Variants in MYO1G observed in about 807,000 individuals in gnomAD.
MYO1G encodes unconventional myosin-Ig.
Under a neutral mutation model 115.3 loss-of-function variants are expected in MYO1G, and 65 were observed. That is an observed-to-expected ratio of 0.56 (90% confidence interval 0.46 to 0.69). The LOEUF (loss-of-function observed/expected upper bound fraction) is 0.69, where lower values mean the gene tolerates loss of function less well. MYO1G is among the 30% of genes least tolerant of loss of function. The probability of loss-of-function intolerance (pLI) is 0.00; values close to 1 mark genes in which losing one functional copy is unlikely to be tolerated. For missense variants in MYO1G, 1,204 were observed against 1,393.5 expected, an observed-to-expected ratio of 0.86 and a Z score of 2.16; for synonymous variants, 510 against 552.6, an observed-to-expected ratio of 0.92 and a Z score of 1.08.
At chr7:44,968,580 C>T (rs1416265862) in intron 12 of MYO1G, 2 of 151,834 alleles carry the variant, frequency 1.3e-5, no homozygotes, top group Non-Finnish European at 1.5e-5. Context: ...TCTCAGTTCG[C>T]CACAACCTCT....
rs1794915390 is a variant in MYO1G, at chr7:44,969,677, G to A, written c.1503+28C>T. ...GTGGGGCAGGTCCCACCAGCCCACT[G>A]TGGTGGCACTGGGACAGCCGGGGGC... On this transcript the variant is annotated intron_variant, in intron 11 of 21. Transcript: ENST00000258787. This position sits in a 1 kb window ranked among gnomAD's most constrained non-coding sequence, Gnocchi z 5.0. 1 of 1,608,764 alleles carries A rather than the reference G, an allele frequency of 6.2e-7. No homozygotes were observed. The highest frequency in any genetic ancestry group is 8.5e-7 in the Non-Finnish European group (1 of 1,178,886).
intron 1 of MYO1G, among the ~76,000 whole-genome samples, chr7:44,977,874 ACAT>A (rs1795087507): frequency 6.6e-6 from 1 of 152,126 alleles, no homozygotes; most frequent in African/African-American, 2.4e-5. Flanking sequence ...ACCACCTCTG[ACAT>A]GGGTTTTCCT....
Position 44,976,648 on chromosome 7 carries a change from C to T in MYO1G, c.314G>A (p.Gly105Glu), listed in dbSNP as rs748025444. 20 of 1,613,942 alleles carry T rather than the reference C, an allele frequency of 1.2e-5. No individual in the cohort carries two copies. Among genetic ancestry groups the T allele is most frequent in the Admixed American group, 1.7e-5 (1 of 60,004 alleles). ...DTCIVISGES[G>E]AGKTEASKHI... ...CTTACTGGCTTCTGTCTTCCCTGCCCCACTCTCCCCTGCCGGAAAGACCAG... is the reference window on the plus strand; with the variant it reads ...CTTACTGGCTTCTGTCTTCCCTGCCTCACTCTCCCCTGCCGGAAAGACCAG... The change falls in exon 3 of 22, where the codon GGG (glycine) becomes GAG (glutamate). Residue 105 changes from glycine to glutamate, a missense_variant. By Grantham distance (98) the Gly-to-Glu change is moderately conservative. Transcript: ENST00000258787.
chr7:44,964,826 G>A lies in MYO1G; in HGVS notation c.2526+119C>T. 2 of 1,445,036 alleles carry A rather than the reference G, an allele frequency of 1.4e-6. No homozygotes were observed. Among genetic ancestry groups the A allele is most frequent in the East Asian group, 2.3e-5 (1 of 43,456 alleles). The allele number at this position is 1,445,036 out of a possible 1,614,324, so 89.5% of individuals were successfully genotyped here. A position where few individuals can be genotyped will look rare whatever the true frequency, so the allele number is the denominator to read the frequency against. On this transcript the variant is annotated intron_variant, in intron 18 of 21. Transcript: ENST00000258787. The surrounding 1 kb of genome is among the most constrained non-coding windows in gnomAD (Gnocchi z 5.1). ...TGGGGGCTGAGGTACAGGGCCACCA[G>A]GACAGACAACCCCAGGCCTGGGAGA...
Position 44,969,575 on chromosome 7 carries a change from G to T in MYO1G, c.1504-92C>A. On this transcript the variant is annotated intron_variant, in intron 11 of 21. Coordinates refer to ENST00000258787, the MANE Select transcript of MYO1G (RefSeq NM_033054.3). The surrounding 1 kb of genome is among the most constrained non-coding windows in gnomAD (Gnocchi z 5.0). ...GCCTCCCCACCTCCAGGGCAGAGAA[G>T]GTTGCCACAGTGACGACAATGGCAC... The T allele has an allele frequency of 6.3e-7, 1 of 1,577,848 alleles. No individual in the cohort carries two copies.
At position 44,974,984 on chromosome 7, in the gene MYO1G, C is replaced by A. The variant is rs562261698; in HGVS notation, c.618+190G>T. Reference sequence around the variant, plus strand: ...GCTTTTGTTCCCTGCAAGTCACACCCTCTTGTTTGTGGGGTGTGGGGTACT... The same window carrying A: ...GCTTTTGTTCCCTGCAAGTCACACCATCTTGTTTGTGGGGTGTGGGGTACT... On this transcript the variant is annotated intron_variant, in intron 5 of 21. Coordinates refer to ENST00000258787, the MANE Select transcript of MYO1G (RefSeq NM_033054.3). 2.0e-4 allele frequency: 134 copies of A among 679,170 alleles called. 2 individuals carry two copies. The South Asian group carries it at 2.1e-3, about 10-fold the overall frequency. The allele number at this position is 679,170 out of a possible 1,614,324, so 42.1% of individuals were successfully genotyped here. A position where few individuals can be genotyped will look rare whatever the true frequency, so the allele number is the denominator to read the frequency against.
intron 7 of MYO1G, 96 bp downstream of exon 7, chr7:44,971,577 G>A (rs1794958207): frequency 2.4e-6 from 2 of 849,608 alleles, no homozygotes; most frequent in Non-Finnish European, 3.7e-6. Context: ...CATTGCTGGG[G>A]CATCTCCAGC....
Position 44,970,865 on chromosome 7 carries a change from C to T in MYO1G, c.1041G>A (p.Glu347=), listed in dbSNP as rs761705048. The T allele has an allele frequency of 6.2e-7, 1 of 1,613,632 alleles. No homozygotes were observed. Among genetic ancestry groups the T allele is most frequent in the Non-Finnish European group, 8.5e-7 (1 of 1,180,036 alleles). The change falls in exon 8 of 22, where the codon GAG becomes GAA. Residue 347 remains glutamate (E), a synonymous_variant. Transcript: ENST00000258787. ...ELIEKGHTAA[E]ASYARDACAK... is the part of the protein sequence containing the mutation. Reference sequence around the variant, plus strand: ...CACAGGCATCCCGGGCATAGCTGGCCTCAGCTGCAGTGTGGCCCTTCTCTA... The same window carrying T: ...CACAGGCATCCCGGGCATAGCTGGCTTCAGCTGCAGTGTGGCCCTTCTCTA...
Position 44,974,568 on chromosome 7 carries a change from G to A in MYO1G, c.618+606C>T, listed in dbSNP as rs150095196. The A allele has an allele frequency of 1.3e-3, 200 of 159,920 alleles. 1 individual carries two copies. Among genetic ancestry groups the A allele is most frequent in the Admixed American group, 2.1e-3 (36 of 17,158 alleles). 9.9% of individuals were successfully genotyped at this position (159,920 alleles called of 1,614,324 possible). A position where few individuals can be genotyped will look rare whatever the true frequency, so the allele number is the denominator to read the frequency against. ...AGGGTGCTCCCAGTTCAGTGGGGGAGTTCGGAGTCTGTGGAAACACTGTCT... is the reference window on the plus strand; with the variant it reads ...AGGGTGCTCCCAGTTCAGTGGGGGAATTCGGAGTCTGTGGAAACACTGTCT... On this transcript the variant is annotated intron_variant, in intron 5 of 21. Coordinates refer to ENST00000258787, the MANE Select transcript of MYO1G (RefSeq NM_033054.3).
At position 44,963,073 on chromosome 7, in the gene MYO1G, C is replaced by A; in HGVS notation, c.2797G>T (p.Ala933Ser). 6.6e-7 allele frequency: 1 copy of A among 1,520,318 alleles called. No homozygotes were observed. Among genetic ancestry groups the A allele is most frequent in the African/African-American group, 1.4e-5 (1 of 70,470 alleles). The allele number at this position is 1,520,318 out of a possible 1,614,324, so 94.2% of individuals were successfully genotyped here. The stretch of plus-strand genomic sequence containing the variant: ...ACCACGAGGTCGTCCTGGCCGCGGG[C>A]GTGCAGCACCACCAGCTGGTCTCCT... ...SGGDQLVVLH[A>S]RGQDDLVVCL... Residue 933 changes from alanine (A) to serine (S), a missense_variant, in exon 21 of 22, where the codon GCC becomes TCC. Physicochemically the swap from Ala to Ser is moderately conservative, Grantham distance 99 (BLOSUM62 1). Coordinates refer to ENST00000258787, the MANE Select transcript of MYO1G (RefSeq NM_033054.3). This position sits in a 1 kb window ranked among gnomAD's most constrained non-coding sequence, Gnocchi z 4.1.
At chr7:44,974,765 A>G (rs965812728) in intron 5 of MYO1G, 1 of 222,406 alleles carries the variant, frequency 4.5e-6, no homozygotes, top group Non-Finnish European at 9.3e-6. Flanking sequence ...GGGCGCGCCT[A>G]TCTCACAGAG....
rs779661449 is a variant in MYO1G, at chr7:44,970,933, A to C, written c.973T>G (p.Ser325Ala). The change falls in exon 8 of 22, where the codon TCC becomes GCC. Residue 325 changes from serine to alanine, a missense_variant. Physicochemically the swap from Ser to Ala is moderately conservative, Grantham distance 99. Transcript: ENST00000258787. ...TATPRDLVLR[S>A]LLARTVASGG... ...GAGGCAACTGTGCGAGCCAGCAGGG[A>C]GCGGAGCACGAGGTCCCGGGGTGTG... 1.7e-5 allele frequency: 27 copies of C among 1,613,434 alleles called. No homozygotes were observed. The highest frequency in any genetic ancestry group is 2.1e-5 in the Non-Finnish European group (25 of 1,180,032).
At position 44,978,916 on chromosome 7, in the gene MYO1G, G is replaced by C. The variant is rs771418567; in HGVS notation, c.46C>G (p.Leu16Val). ...TCCTCCATGGTCACTTGGTCCAAAA[G>C]CACAAAGTCAGGTTTGCCATACTCA... ...GPEYGKPDFV[L>V]LDQVTMEDFM... is the part of the protein sequence containing the mutation. The change falls in exon 1 of 22, where the codon CTT becomes GTT. Residue 16 changes from leucine (L) to valine (V), a missense_variant. Coordinates refer to ENST00000258787, the MANE Select transcript of MYO1G (RefSeq NM_033054.3). 6.2e-7 allele frequency: 1 copy of C among 1,614,210 alleles called. No homozygotes were observed.
rs751052723 is a variant in MYO1G at position 44,965,724 on chromosome 7, G to A, written c.2294C>T (p.Pro765Leu). 1.2e-5 allele frequency: 20 copies of A among 1,611,860 alleles called. No individual in the cohort carries two copies. The highest frequency in any genetic ancestry group is 1.7e-5 in the Admixed American group (1 of 59,992). The change falls in exon 17 of 22, where the codon CCG becomes CTG. Residue 765 changes from proline (P) to leucine (L), a missense_variant. Transcript: ENST00000258787. ...LQRRFQAARQ[P>L]PLYGRDLVWP... ...CACAAGGTCACGCCCGTAGAGTGGC[G>A]GCTGCCTTGCAGCCTGGAATCGCCG...
In MYO1G at chr7:44,966,715, C is replaced by T. The variant is rs1696085468; in HGVS notation, c.1906G>A (p.Ala636Thr). 1 of 1,613,194 alleles carries T rather than the reference C, an allele frequency of 6.2e-7. No homozygotes were observed. Among genetic ancestry groups the T allele is most frequent in the Non-Finnish European group, 8.5e-7 (1 of 1,179,996 alleles). ...TAGGGCTGGCGGGAAGCGAAGCCAG[C>T]CCTGCGGACCCTCACATTCTCCAGC... The part of the protein sequence containing the change: ...GLLENVRVRR[A>T]GFASRQPYSR... The change falls in exon 15 of 22, where the codon GCT (alanine) becomes ACT (threonine). Residue 636 changes from alanine to threonine, a missense_variant. Physicochemically the swap from Ala to Thr is moderately conservative, Grantham distance 58 (BLOSUM62 0). Coordinates refer to ENST00000258787, the MANE Select transcript of MYO1G (RefSeq NM_033054.3). This position sits in a 1 kb window ranked among gnomAD's most constrained non-coding sequence, Gnocchi z 5.0.
At position 44,975,621 on chromosome 7, in the gene MYO1G, A is replaced by G. The variant is rs781753632; in HGVS notation, c.427T>C (p.Cys143Arg). Residue 143 changes from cysteine (C) to arginine (R), a missense_variant, in exon 4 of 22, where the codon TGT (cysteine) becomes CGT (arginine). By Grantham distance (180) the Cys-to-Arg change is radical. Coordinates refer to ENST00000258787, the MANE Select transcript of MYO1G (RefSeq NM_033054.3). Reference sequence around the variant, plus strand: ...GCATTGCCAAAGGCCTCCAGCACACAGGTGGACTTGAGCAGCACGTCCTTG... The same window carrying G: ...GCATTGCCAAAGGCCTCCAGCACACGGGTGGACTTGAGCAGCACGTCCTTG... ...RVKDVLLKSTCVLEAFGNART... is the reference protein window; with the variant it reads ...RVKDVLLKSTRVLEAFGNART... The G allele has an allele frequency of 6.2e-7, 1 of 1,613,292 alleles. No individual in the cohort carries two copies. Among genetic ancestry groups the G allele is most frequent in the Non-Finnish European group, 8.5e-7 (1 of 1,179,460 alleles).
At chr7:44,965,893 C>G in intron 16 of MYO1G, 33 bp from the exon 17 acceptor site, 1 of 1,590,370 alleles carries the variant, frequency 6.3e-7, no homozygotes, top group Non-Finnish European at 8.5e-7. Flanking sequence ...GATACGCAGT[C>G]AAATTCAATC....
In MYO1G at chr7:44,969,655, G is replaced by A. The variant is rs1414189064; in HGVS notation, c.1503+50C>T. 6.2e-7 allele frequency: 1 copy of A among 1,603,058 alleles called. No individual in the cohort carries two copies. Among genetic ancestry groups the A allele is most frequent in the Non-Finnish European group, 8.5e-7 (1 of 1,175,268 alleles). On this transcript the variant is annotated intron_variant, in intron 11 of 21. Transcript: ENST00000258787. The surrounding 1 kb of genome is among the most constrained non-coding windows in gnomAD (Gnocchi z 5.0). ...AGGCATGGGCAGCATGGTGCCTGTG[G>A]GGCAGGTCCCACCAGCCCACTGTGG...
rs1242509039 is a variant in MYO1G, at chr7:44,964,053, T to C, written c.2741A>G (p.Glu914Gly). ...QYRVMRAVPL[E>G]AVTGLSVTSG... ...CTCCCCACCCACATTGCTCACCGCCTCAAGGGGCACGGCCCGCATCACCCG... is the reference window on the plus strand; with the variant it reads ...CTCCCCACCCACATTGCTCACCGCCCCAAGGGGCACGGCCCGCATCACCCG... Residue 914 changes from glutamate (E) to glycine (G), a missense_variant, in exon 20 of 22, where the codon GAG becomes GGG. Glu to Gly is a moderately conservative substitution (Grantham distance 98, BLOSUM62 -2). Coordinates refer to ENST00000258787, the MANE Select transcript of MYO1G (RefSeq NM_033054.3). This position sits in a 1 kb window ranked among gnomAD's most constrained non-coding sequence, Gnocchi z 5.1. 1 of 1,586,892 alleles carries C rather than the reference T, an allele frequency of 6.3e-7. No homozygotes were observed. Among genetic ancestry groups the C allele is most frequent in the Non-Finnish European group, 8.6e-7 (1 of 1,166,354 alleles).
Sources: gnomAD v4.1 joint callset for allele counts (sites outside exome capture counted in the v4.1 genomes callset) on GRCh38, gnomAD v4.1.1 for gene constraint, Gnocchi (gnomAD v3.1) non-coding constraint, MANE v1.5 for transcripts, NCBI Gene and HGNC (gene_info 2026-07-23, HGNC 2026-07-21) for gene names.